RBP2: variants seen among roughly 807,000 people sequenced by gnomAD.
The protein encoded by RBP2 is retinol-binding protein 2.
In RBP2, 17 loss-of-function variants were observed where a neutral mutation model predicts 17.0. The observed-to-expected ratio is 1.00, with a 90% confidence interval of 0.68 to 1.50. The LOEUF (loss-of-function observed/expected upper bound fraction) is 1.50. Among genes scored for constraint, RBP2 ranks in the 40% most tolerant of loss-of-function variants. The probability of loss-of-function intolerance (pLI) is 0.00; values close to 1 mark genes in which losing one functional copy is unlikely to be tolerated. For synonymous variants in RBP2, 48 were observed against 57.1 expected, an observed-to-expected ratio of 0.84 and a Z score of 0.72; for missense variants, 158 against 168.2, an observed-to-expected ratio of 0.94 and a Z score of 0.33.
At chr3:139,453,217 G>A (rs1012483243) in intron 3 of RBP2, 51 bp from the exon 4 acceptor site, 2 of 1,604,986 alleles carry the variant, frequency 1.2e-6, no homozygotes, top group Non-Finnish European at 1.7e-6. Flanking sequence ...CCTTTCTTCT[G>A]CCCAGCCCTC....
rs376399670 is a variant in RBP2, at chr3:139,476,468, C to G, written c.-9G>C. ...TTCTGGTCCCTTGTCATGGTGGTGG[C>G]CACTGGTTCGGTGAGGGTTTGTGGT... On this transcript the variant is annotated 5_prime_UTR_variant, in exon 1 of 4. Transcript: ENST00000232217. The G allele has an allele frequency of 8.7e-6, 14 of 1,613,750 alleles. No homozygotes were observed. Among genetic ancestry groups the G allele is most frequent in the Non-Finnish European group, 1.0e-5 (12 of 1,179,768 alleles).
At chr3:139,464,923 T>G (rs1053389883) in intron 1 of RBP2, among the ~76,000 whole-genome samples, 15 of 152,188 alleles carry the variant, frequency 9.9e-5, no homozygotes, top group African/African-American at 3.6e-4. Context: ...ATTTCAGATT[T>G]TGAACTTTGT....
Position 139,462,985 on chromosome 3 carries a change from C to G in RBP2, c.74-695G>C, listed in dbSNP as rs549213690. Reference sequence around the variant, plus strand: ...AGTAGCTGGGACAGCAGGTGCACACCACCATACCCAGCTAATTTTCGTATT... The same window carrying G: ...AGTAGCTGGGACAGCAGGTGCACACGACCATACCCAGCTAATTTTCGTATT... On this transcript the variant is annotated intron_variant, in intron 1 of 3. Coordinates refer to ENST00000232217, the MANE Select transcript of RBP2 (RefSeq NM_004164.3). 2.0e-5 allele frequency among the ~76,000 whole-genome samples: 3 copies of G among 152,122 alleles called. No individual in the cohort carries two copies. The South Asian group carries it at 6.2e-4, about 32-fold the overall frequency.
chr3:139,454,984 C>CA lies in RBP2; in HGVS notation c.253-155dup, dbSNP rs367778985. Among the ~76,000 whole-genome samples, 678 of 152,344 alleles carry CA rather than the reference C, an allele frequency of 4.5e-3. 7 individuals are homozygous for CA. The highest frequency in any genetic ancestry group is 0.016 in the African/African-American group (659 of 41,572). ...CAGGGAGCCAAGATGCTTCCAATGT[C>CA]ATTTTCCACATACACCCTCCATTCC... On this transcript the variant is annotated intron_variant, in intron 2 of 3. Coordinates refer to ENST00000232217, the MANE Select transcript of RBP2 (RefSeq NM_004164.3).
chr3:139,469,663 A>ATCTGTCTG (rs774785857), intron 1 of RBP2, among the ~76,000 whole-genome samples: 6,501 of 145,356 alleles, frequency 0.045, 210 homozygotes, highest in Middle Eastern at 0.078. Flanking sequence ...TCAGACATCT[A>ATCTGTCTG]TCTGTCTGTC....
chr3:139,454,010 A>C (rs1943354284), intron 3 of RBP2, among the ~76,000 whole-genome samples: 2 of 151,858 alleles, frequency 1.3e-5, no homozygotes, highest in Admixed American at 1.3e-4. Context: ...CATTGGAGCC[A>C]GGTACCTGCC....
chr3:139,456,686 C>A (rs77995988), intron 2 of RBP2, among the ~76,000 whole-genome samples: 10,157 of 152,242 alleles, frequency 0.067, 450 homozygotes, highest in Middle Eastern at 0.15. Flanking sequence ...GAGGAGAGAA[C>A]TTGTGGCTGG....
chr3:139,453,014 C>G lies in RBP2; in HGVS notation c.*102G>C, dbSNP rs1943338588. 6 of 1,350,260 alleles carry G rather than the reference C, an allele frequency of 4.4e-6. No homozygotes were observed. In the Middle Eastern group the frequency reaches 9.4e-4, roughly 211 times the overall value. 83.6% of individuals were successfully genotyped at this position (1,350,260 alleles called of 1,614,324 possible). On this transcript the variant is annotated 3_prime_UTR_variant, in exon 4 of 4. Transcript: ENST00000232217. Reference sequence around the variant, plus strand: ...CCCACCCAGATGCCTTAATGGGGCTCTGTCAAGAGTGGGAAGGTCCCCACA... The same window carrying G: ...CCCACCCAGATGCCTTAATGGGGCTGTGTCAAGAGTGGGAAGGTCCCCACA...
intron 1 of RBP2, among the ~76,000 whole-genome samples, chr3:139,467,584 T>C (rs1347632799): frequency 6.6e-6 from 1 of 152,184 alleles, no homozygotes; most frequent in Non-Finnish European, 1.5e-5. Flanking sequence ...AAAAGAATGC[T>C]CACTTCAGAG....
intron 1 of RBP2, among the ~76,000 whole-genome samples, chr3:139,475,413 CATG>C (rs1466263331): frequency 6.7e-6 from 1 of 149,594 alleles, no homozygotes; most frequent in Non-Finnish European, 1.5e-5. Flanking sequence ...TTTTCATTGA[CATG>C]GTGGACATTT....
intron 2 of RBP2, among the ~76,000 whole-genome samples, chr3:139,456,637 G>A (rs1424263099): frequency 6.6e-6 from 1 of 152,200 alleles, no homozygotes; most frequent in Non-Finnish European, 1.5e-5. Flanking sequence ...CATGTTTCCT[G>A]CAAGGAAGTA....
At chr3:139,476,276 G>C in intron 1 of RBP2, 111 bp downstream of exon 1, 1 of 788,140 alleles carries the variant, frequency 1.3e-6, no homozygotes, top group South Asian at 1.6e-5. Flanking sequence ...TGTACATGAG[G>C]CATGAGGATT....
At chr3:139,470,602 C>G (rs372183400) in intron 1 of RBP2, among the ~76,000 whole-genome samples, 2 of 152,140 alleles carry the variant, frequency 1.3e-5, no homozygotes, top group South Asian at 4.2e-4. Flanking sequence ...CTCTCACTCC[C>G]TGACCACACC....
chr3:139,474,355 G>T (rs1183092724), intron 1 of RBP2, among the ~76,000 whole-genome samples: 1 of 152,192 alleles, frequency 6.6e-6, no homozygotes, highest in African/African-American at 2.4e-5. Context: ...GAGAAAGAGG[G>T]TGGTAGGAAT....
rs774785857 is a variant in RBP2, at chr3:139,469,663, ATCTGTCTG to A, written c.73+6716_73+6723del. Among the ~76,000 whole-genome samples the A allele has an allele frequency of 2.6e-3, 377 of 145,816 alleles. 1 individual carries two copies. Among genetic ancestry groups the A allele is most frequent in the African/African-American group, 7.6e-3 (304 of 39,750 alleles). On this transcript the variant is annotated intron_variant, in intron 1 of 3. Transcript: ENST00000232217. ...TTCTTAATTGGAGCATCAGACATCTATCTGTCTGTCTGTCTGTCTGTCTGTCTATCTAT... is the reference window on the plus strand; with the variant it reads ...TTCTTAATTGGAGCATCAGACATCTATCTGTCTGTCTGTCTGTCTATCTAT...
intron 1 of RBP2, among the ~76,000 whole-genome samples, chr3:139,475,086 C>T (rs763435654): frequency 5.7e-4 from 87 of 151,976 alleles, no homozygotes; most frequent in Non-Finnish European, 4.1e-4. Flanking sequence ...CTTTGGGAGG[C>T]CGAGGCGGGT....
At chr3:139,469,223 T>C (rs1933466680) in intron 1 of RBP2, among the ~76,000 whole-genome samples, 1 of 152,082 alleles carries the variant, frequency 6.6e-6, no homozygotes, top group South Asian at 2.1e-4. Flanking sequence ...AGAAGCAGAG[T>C]GTAAGAACAA....
At chr3:139,469,515 C>G (rs1180424977) in intron 1 of RBP2, among the ~76,000 whole-genome samples, 1 of 152,148 alleles carries the variant, frequency 6.6e-6, no homozygotes. Context: ...CTTTTTCCAT[C>G]CCTCAGCATT....
At chr3:139,473,340 G>A (rs1348624945) in intron 1 of RBP2, among the ~76,000 whole-genome samples, 3 of 152,202 alleles carry the variant, frequency 2.0e-5, no homozygotes, top group Admixed American at 2.0e-4. Flanking sequence ...AGTGTGTGGA[G>A]TGGGTCACTG....
Sources: gnomAD v4.1 joint callset for allele counts (sites outside exome capture counted in the v4.1 genomes callset) on GRCh38, gnomAD v4.1.1 for gene constraint, MANE v1.5 for transcripts, NCBI Gene and HGNC (gene_info 2026-07-23, HGNC 2026-07-21) for gene names.